The following PKNOX2 variants were observed in gnomAD, a reference collection of about 807,000 sequenced individuals.
PKNOX2 encodes PBX/knotted 1 homeobox 2.
In PKNOX2, 14 loss-of-function variants were observed where a neutral mutation model predicts 53.1. The ratio of observed to expected loss-of-function variants is 0.26; its 90% CI spans 0.17 to 0.41. PKNOX2 has a LOEUF of 0.41. Ranked by LOEUF, PKNOX2 falls within the 10% of genes least tolerant of loss-of-function variation. PKNOX2 has a pLI of 1.00. For missense variants in PKNOX2, 496 were observed against 602.8 expected, an observed-to-expected ratio of 0.82 and a Z score of 1.85; for synonymous variants, 257 against 242.8, an observed-to-expected ratio of 1.06 and a Z score of -0.54.
At chr11:125,360,682 C>T (rs1412229354) in intron 4 of PKNOX2, among the ~76,000 whole-genome samples, 1 of 152,166 alleles carries the variant, frequency 6.6e-6, no homozygotes, top group East Asian at 1.9e-4. Flanking sequence ...TGGTAGGACC[C>T]CCAGGGCAGC....
intron 1 of PKNOX2, among the ~76,000 whole-genome samples, chr11:125,189,419 G>GTATATATATA (rs1277612431): frequency 0.012 from 461 of 39,856 alleles, 8 homozygotes; most frequent in African/African-American, 0.028. Flanking sequence ...ATATATGTGT[G>GTATATATATA]TGTGTGTGTG....
At chr11:125,178,455 G>A (rs1291035319) in intron 1 of PKNOX2, among the ~76,000 whole-genome samples, 2 of 150,320 alleles carry the variant, frequency 1.3e-5, no homozygotes, top group South Asian at 2.1e-4. Context: ...AGGTTGCGGT[G>A]AGCCGAGATT....
At chr11:125,189,796 T>C (rs2135337235) in intron 1 of PKNOX2, among the ~76,000 whole-genome samples, 1 of 152,038 alleles carries the variant, frequency 6.6e-6, no homozygotes, top group East Asian at 1.9e-4. Context: ...AGGCTTGAGA[T>C]CTTGCAGTCC....
intron 2 of PKNOX2, among the ~76,000 whole-genome samples, chr11:125,244,545 C>T (rs1415994779): frequency 1.3e-5 from 2 of 152,252 alleles, no homozygotes; most frequent in African/African-American, 2.4e-5. Flanking sequence ...TGCTCTAGGC[C>T]TTTCCCACAT....
At chr11:125,220,713 C>T (rs994911750) in intron 1 of PKNOX2, among the ~76,000 whole-genome samples, 1 of 152,162 alleles carries the variant, frequency 6.6e-6, no homozygotes, top group Non-Finnish European at 1.5e-5. Flanking sequence ...TCCATCCATC[C>T]ATCCATACAC....
intron 5 of PKNOX2, among the ~76,000 whole-genome samples, chr11:125,368,988 C>T (rs898848831): frequency 5.9e-5 from 9 of 152,168 alleles, no homozygotes; most frequent in Non-Finnish European, 1.0e-4. Context: ...GCAGCAGGTG[C>T]GAATGCCAGT....
At chr11:125,392,993 C>T (rs948075595) in intron 6 of PKNOX2, among the ~76,000 whole-genome samples, 5 of 151,032 alleles carry the variant, frequency 3.3e-5, no homozygotes, top group East Asian at 1.9e-4. Flanking sequence ...CCTGTCTCTA[C>T]TAAAAATACA....
Position 125,407,180 on chromosome 11 carries a change from G to T in PKNOX2, c.589-3016G>T, listed in dbSNP as rs148096840. Among the ~76,000 whole-genome samples, 467 of 152,286 alleles carry T rather than the reference G, an allele frequency of 3.1e-3. 1 individual carries two copies. The highest frequency in any genetic ancestry group is 4.2e-3 in the Non-Finnish European group (287 of 68,022). ...CTTCCAGCCAAAGACCCAGGGAAGG[G>T]AGAGAAGGGTAGGAAAGAGAAGGCT... On this transcript the variant is annotated intron_variant, in intron 7 of 12. Transcript: ENST00000298282.
intron 2 of PKNOX2, among the ~76,000 whole-genome samples, chr11:125,241,469 A>G (rs1943141762): frequency 6.6e-6 from 1 of 152,334 alleles, no homozygotes; most frequent in Middle Eastern, 3.4e-3. Context: ...TTATTAGTCT[A>G]TCTATCCATG....
At chr11:125,313,436 A>G (rs1242119840) in intron 2 of PKNOX2, among the ~76,000 whole-genome samples, 1 of 152,234 alleles carries the variant, frequency 6.6e-6, no homozygotes, top group Non-Finnish European at 1.5e-5. Context: ...GGCAGAAACC[A>G]GGTCTGACTC....
At chr11:125,185,991 C>T (rs533320240) in intron 1 of PKNOX2, among the ~76,000 whole-genome samples, 5 of 152,184 alleles carry the variant, frequency 3.3e-5, no homozygotes, top group African/African-American at 7.2e-5. Context: ...ACATTCCCAC[C>T]AGCAATGCAC....
chr11:125,199,308 G>A (rs568186560), intron 1 of PKNOX2, among the ~76,000 whole-genome samples: 3 of 152,298 alleles, frequency 2.0e-5, no homozygotes, highest in Admixed American at 6.5e-5. Flanking sequence ...CAGTGAGGGG[G>A]AGAACGGCTG....
chr11:125,374,397 C>T (rs1052292807), intron 5 of PKNOX2, among the ~76,000 whole-genome samples: 1 of 152,180 alleles, frequency 6.6e-6, no homozygotes, highest in Non-Finnish European at 1.5e-5. Context: ...CTTTTTGAAG[C>T]AGCTGGGTTC....
intron 2 of PKNOX2, among the ~76,000 whole-genome samples, chr11:125,309,222 CTT>C (rs1948658270): frequency 6.7e-6 from 1 of 148,882 alleles, no homozygotes; most frequent in Non-Finnish European, 1.5e-5. Context: ...TTCTCTCTCT[CTT>C]TCTTCCTTCC....
intron 1 of PKNOX2, among the ~76,000 whole-genome samples, chr11:125,222,752 CCTGTGTAT>C (rs1798927238): frequency 1.6e-5 from 2 of 121,482 alleles, no homozygotes; most frequent in African/African-American, 3.2e-5. Flanking sequence ...TGTCTGTGTG[CCTGTGTAT>C]GTGTGTATGT....
intron 2 of PKNOX2, among the ~76,000 whole-genome samples, chr11:125,274,312 G>A (rs183561205): frequency 1.2e-4 from 19 of 152,200 alleles, no homozygotes; most frequent in Non-Finnish European, 1.8e-4. Context: ...TTATGGTCTC[G>A]GGAAAGACAT....
intron 1 of PKNOX2, among the ~76,000 whole-genome samples, chr11:125,206,295 G>C (rs1203499743): frequency 6.6e-6 from 1 of 152,100 alleles, no homozygotes; most frequent in Non-Finnish European, 1.5e-5. Context: ...GCAGGAACCA[G>C]CCCTGGTGCC....
chr11:125,388,100 C>T (rs1436376351), intron 6 of PKNOX2, among the ~76,000 whole-genome samples: 2 of 151,990 alleles, frequency 1.3e-5, no homozygotes, highest in African/African-American at 2.4e-5. Context: ...AGAGACCGTG[C>T]GGCCGGGACC....
intron 10 of PKNOX2, among the ~76,000 whole-genome samples, chr11:125,413,679 G>A (rs1049245042): frequency 6.6e-6 from 1 of 152,164 alleles, no homozygotes; most frequent in African/African-American, 2.4e-5. Context: ...GGTCACACTC[G>A]CCTCTTAGGA....
Sources: allele counts gnomAD v4.1 joint callset (sites outside exome capture counted in the v4.1 genomes callset), GRCh38; gene constraint gnomAD v4.1.1; transcripts MANE v1.5; gene names NCBI Gene and HGNC (gene_info 2026-07-23, HGNC 2026-07-21).